BRCC3: variants seen among roughly 807,000 people sequenced by gnomAD.
BRCC3 encodes BRCA1/BRCA2-containing complex subunit 3.
In BRCC3, 15 loss-of-function variants were observed where a neutral mutation model predicts 28.0. The ratio of observed to expected loss-of-function variants is 0.54; its 90% CI spans 0.36 to 0.82. The LOEUF (loss-of-function observed/expected upper bound fraction) is 0.82. BRCC3 is among the 40% of genes least tolerant of loss of function. BRCC3 has a pLI of 0.01. For missense variants in BRCC3, 109 were observed against 225.9 expected (o/e 0.48, Z 3.32); for synonymous variants, 66 against 80.3 (o/e 0.82, Z 0.95).
At chrX:155,094,165 G>A (rs1328797338) in intron 7 of BRCC3, among the ~76,000 whole-genome samples, 2 of 110,766 alleles carry the variant, frequency 1.8e-5, no homozygotes, top group African/African-American at 6.6e-5. Flanking sequence ...TCAACATGAG[G>A]CTTCACTTTA....
intron 7 of BRCC3, among the ~76,000 whole-genome samples, chrX:155,092,334 C>T (rs781817168): frequency 4.4e-4 from 49 of 111,533 alleles, no homozygotes; most frequent in Non-Finnish European, 7.5e-4. Flanking sequence ...TTTTTTGGCT[C>T]CCTGCTGTTA....
chrX:155,072,908 C>T (rs2073999295), intron 2 of BRCC3, among the ~76,000 whole-genome samples: 2 of 110,978 alleles, frequency 1.8e-5, no homozygotes, highest in Non-Finnish European at 3.8e-5. Context: ...AGTGAGATAT[C>T]AGTAATTTTC....
At chrX:155,085,251 G>T (rs2074114556) in intron 5 of BRCC3, among the ~76,000 whole-genome samples, 1 of 112,584 alleles carries the variant, frequency 8.9e-6, no homozygotes, top group African/African-American at 3.2e-5. Flanking sequence ...ATAATAAAAT[G>T]GGCTTTTAAT....
intron 5 of BRCC3, among the ~76,000 whole-genome samples, chrX:155,086,403 C>T (rs1288797650): frequency 3.6e-5 from 4 of 111,797 alleles, no homozygotes; most frequent in Non-Finnish European, 5.7e-5. Context: ...GGCTGGAGTG[C>T]GATGGCGCGC....
intron 3 of BRCC3, among the ~76,000 whole-genome samples, chrX:155,075,283 C>CCTGAA (rs782764498): frequency 4.0e-5 from 2 of 50,002 alleles, no homozygotes; most frequent in African/African-American, 1.3e-3. Flanking sequence ...ATGCTAAGCC[C>CCTGAA]ACTCTTTCCC....
chrX:155,116,714 T>G lies in BRCC3; in HGVS notation c.684T>G (p.Leu228=). The G allele has an allele frequency of 8.5e-7, 1 of 1,176,940 alleles. No individual in the cohort carries two copies. Among genetic ancestry groups the G allele is most frequent in the Non-Finnish European group, 1.1e-6 (1 of 872,188 alleles). ...CCTAAACTATTTTATTCTTTAGCCT[T>G]ACACATCTGGACTCAGTAACCAAGA... ...EQDAYRRIHS[L]THLDSVTKIH... Residue 228 remains leucine (L), a synonymous_variant, in exon 9 of 11, where the codon CTT becomes CTG. Transcript: ENST00000330045.
chrX:155,119,868 C>G (rs1280558782), intron 9 of BRCC3, 131 bp from the exon 10 acceptor site: 6 of 526,117 alleles, frequency 1.1e-5, no homozygotes, highest in African/African-American at 2.4e-5. Context: ...ACTTATTACA[C>G]TTTTTCTACT....
chrX:155,088,823 TC>T (rs2074154176), intron 5 of BRCC3, among the ~76,000 whole-genome samples: 1 of 112,089 alleles, frequency 8.9e-6, no homozygotes, highest in Non-Finnish European at 1.9e-5. Flanking sequence ...CACAACCACT[TC>T]CATACAATGG....
chrX:155,116,309 G>A, intron 8 of BRCC3, 121 bp downstream of exon 8: 1 of 641,333 alleles, frequency 1.6e-6, no homozygotes, highest in Non-Finnish European at 2.3e-6. Flanking sequence ...TCTCTGGGAA[G>A]CTTTCTAGCA....
intron 8 of BRCC3, 96 bp downstream of exon 8, chrX:155,116,284 C>A: frequency 1.2e-6 from 1 of 866,920 alleles, no homozygotes; most frequent in Non-Finnish European, 1.6e-6. Flanking sequence ...ACTCTTGAGG[C>A]CCCTTCTTTT....
chrX:155,076,806 A>G (rs782377353), intron 3 of BRCC3, among the ~76,000 whole-genome samples: 1 of 111,969 alleles, frequency 8.9e-6, no homozygotes, highest in Non-Finnish European at 1.9e-5. Context: ...TTCATGAATG[A>G]CAACTTGCCA....
chrX:155,080,023 G>A (rs1166571901), intron 5 of BRCC3, among the ~76,000 whole-genome samples: 1 of 111,115 alleles, frequency 9.0e-6, no homozygotes, highest in Non-Finnish European at 1.9e-5. Flanking sequence ...GTTCACTGAT[G>A]TCCCAATAAA....
intron 7 of BRCC3, among the ~76,000 whole-genome samples, chrX:155,115,379 G>A (rs2074347601): frequency 9.0e-6 from 1 of 111,623 alleles, no homozygotes; most frequent in African/African-American, 3.3e-5. Context: ...GTGCCAGTGG[G>A]GCCTCACAGT....
chrX:155,078,524 T>C, intron 4 of BRCC3, 92 bp from the exon 5 acceptor site: 1 of 598,906 alleles, frequency 1.7e-6, no homozygotes, highest in East Asian at 3.6e-5. Context: ...TAAATTGTAA[T>C]AAGCTTATTT....
In BRCC3 at chrX:155,122,135, A is replaced by T. The variant is rs1300566286; in HGVS notation, c.*931A>T. On this transcript the variant is annotated 3_prime_UTR_variant, in exon 11 of 11. Transcript: ENST00000330045. ...GAGTGAGGCCTCATCTCAAAAAAAAAAAAAGGCCACAAAACTCAACAATAA... is the reference window on the plus strand; with the variant it reads ...GAGTGAGGCCTCATCTCAAAAAAAATAAAAGGCCACAAAACTCAACAATAA... The T allele has an allele frequency of 1.8e-5, 2 of 110,026 alleles. No individual in the cohort carries two copies. The highest frequency in any genetic ancestry group is 9.7e-5 in the Admixed American group (1 of 10,298). 9.1% of individuals were successfully genotyped at this position (110,026 alleles called of 1,213,427 possible). A position where few individuals can be genotyped will look rare whatever the true frequency, so the allele number is the denominator to read the frequency against.
Position 155,081,110 on chromosome X carries a change from C to T in BRCC3, c.403+2407C>T, listed in dbSNP as rs144173196. Among the ~76,000 whole-genome samples, 773 of 111,260 alleles carry T rather than the reference C, an allele frequency of 6.9e-3. 4 individuals carry two copies. Among genetic ancestry groups the T allele is most frequent in the African/African-American group, 0.024 (725 of 30,572 alleles). ...CTTTGGCAGGATGAGGTAGGCAGATCACTTGAGGTCAGGAGTTGGAGACCC... is the reference window on the plus strand; with the variant it reads ...CTTTGGCAGGATGAGGTAGGCAGATTACTTGAGGTCAGGAGTTGGAGACCC... On this transcript the variant is annotated intron_variant, in intron 5 of 10. Coordinates refer to ENST00000330045, the MANE Select transcript of BRCC3 (RefSeq NM_001018055.3).
intron 4 of BRCC3, among the ~76,000 whole-genome samples, chrX:155,077,639 A>G (rs3850324): frequency 9.0e-6 from 1 of 110,947 alleles, no homozygotes; most frequent in Non-Finnish European, 1.9e-5. Flanking sequence ...GCCATTTACT[A>G]TCTTGGTCTC....
intron 5 of BRCC3, among the ~76,000 whole-genome samples, chrX:155,086,576 C>G (rs1048445846): frequency 1.6e-4 from 18 of 109,726 alleles, no homozygotes; most frequent in Non-Finnish European, 2.9e-4. Context: ...CCAGGCTGGT[C>G]TCAAACTCAT....
intron 3 of BRCC3, among the ~76,000 whole-genome samples, chrX:155,076,698 C>T (rs1215276124): frequency 1.8e-5 from 2 of 111,418 alleles, no homozygotes; most frequent in Admixed American, 9.5e-5. Context: ...TCTCCTGATA[C>T]GTGGGGTTTA....
Sources: gnomAD v4.1 joint callset for allele counts (sites outside exome capture counted in the v4.1 genomes callset) on GRCh38, gnomAD v4.1.1 for gene constraint, MANE v1.5 for transcripts, NCBI Gene and HGNC (gene_info 2026-07-23, HGNC 2026-07-21) for gene names.